The following SLC6A4 variants were observed in gnomAD, a reference collection of about 807,000 sequenced individuals.
The protein encoded by SLC6A4 is solute carrier family 6 member 4, also known as sodium-dependent serotonin transporter.
SLC6A4 carries 22 observed loss-of-function variants against 73.4 expected under a neutral mutation model. The observed-to-expected ratio is 0.30, with a 90% CI of 0.21 to 0.43. The LOEUF is 0.43. Ranked by LOEUF, SLC6A4 falls within the 20% of genes least tolerant of loss-of-function variation. The probability of loss-of-function intolerance (pLI) is 1.00; values close to 1 mark genes in which losing one functional copy is unlikely to be tolerated. For synonymous variants in SLC6A4, 270 were observed against 315.5 expected (o/e 0.86, Z 1.53); for missense variants, 593 against 808.5 (o/e 0.73, Z 3.23).
At chr17:30,208,590 A>G (rs936260211) in intron 12 of SLC6A4, among the ~76,000 whole-genome samples, 2 of 152,170 alleles carry the variant, frequency 1.3e-5, no homozygotes, top group Non-Finnish European at 2.9e-5. Context: ...AACAAAACAA[A>G]ACAAAACAAA....
intron 12 of SLC6A4, 150 bp downstream of exon 12, chr17:30,208,993 C>T (rs1056247340): frequency 3.2e-5 from 16 of 501,238 alleles, no homozygotes; most frequent in Non-Finnish European, 3.9e-5. Flanking sequence ...TGAGCCACCG[C>T]GCCTGGCCGA....
intron 1 of SLC6A4, among the ~76,000 whole-genome samples, chr17:30,234,734 A>G (rs939596051): frequency 5.3e-5 from 8 of 152,178 alleles, no homozygotes; most frequent in African/African-American, 1.7e-4. Context: ...TAATCCATTG[A>G]CCAGGTTCAC....
chr17:30,231,054 T>C (rs1311509111), intron 1 of SLC6A4, among the ~76,000 whole-genome samples: 2 of 152,062 alleles, frequency 1.3e-5, no homozygotes, highest in African/African-American at 4.8e-5. Context: ...TAACACTGTA[T>C]GCTAAAAAGG....
chr17:30,206,253 A>AC (rs1906191741), intron 13 of SLC6A4: 1 of 152,040 alleles, frequency 6.6e-6, no homozygotes, highest in African/African-American at 2.4e-5. Flanking sequence ...AAAAAAAAAA[A>AC]AAAAACACAA....
rs1906763538 is a variant in SLC6A4, at chr17:30,221,648, C to T, written c.311G>A (p.Arg104His). The change falls in exon 3 of 15, where the codon CGC (arginine) becomes CAC (histidine). Residue 104 changes from arginine (R) to histidine (H), a missense_variant. Transcript: ENST00000650711. The part of the protein sequence containing the change: ...GYAVDLGNVW[R>H]FPYICYQNGG... ...ATTCTGGTAACATATGTAGGGGAAG[C>T]GCCAGACATTGCCCAGGTCCACAGC... 1.2e-6 allele frequency: 2 copies of T among 1,614,034 alleles called. No individual in the cohort carries two copies. The highest frequency in any genetic ancestry group is 8.5e-7 in the Non-Finnish European group (1 of 1,179,934).
At chr17:30,216,384 CA>C (rs1325284634) in intron 6 of SLC6A4, among the ~76,000 whole-genome samples, 168 bp from the exon 7 acceptor site, 1 of 151,960 alleles carries the variant, frequency 6.6e-6, no homozygotes, top group South Asian at 2.1e-4. Flanking sequence ...GGTGGTGTGG[CA>C]GAAAGATCAC....
At chr17:30,201,435 G>A (rs111875343) in intron 14 of SLC6A4, among the ~76,000 whole-genome samples, 368 of 152,278 alleles carry the variant, frequency 2.4e-3, no homozygotes, top group Non-Finnish European at 4.5e-3. Flanking sequence ...ACACTTTTGG[G>A]TGGCATTCCC....
At position 30,207,809 on chromosome 17, in the gene SLC6A4, C is replaced by T. The variant is rs772894432; in HGVS notation, c.1573G>A (p.Val525Met). The T allele has an allele frequency of 1.1e-5, 17 of 1,613,872 alleles. No individual in the cohort carries two copies. The highest frequency in any genetic ancestry group is 8.0e-5 in the African/African-American group (6 of 74,892). ...GGGCTGAAGCCGAGCATTTCCTTCA[C>T]GTCCCTGCAGAACTGAGTGATGCCT... The part of the protein sequence containing the change: ...FYGITQFCRD[V>M]KEMLGFSPGW... The change falls in exon 13 of 15, where the codon GTG (valine) becomes ATG (methionine). Residue 525 changes from valine to methionine, a missense_variant. Coordinates refer to ENST00000650711, the MANE Select transcript of SLC6A4 (RefSeq NM_001045.6).
intron 6 of SLC6A4, among the ~76,000 whole-genome samples, chr17:30,216,854 TG>T: frequency 1.4e-5 from 1 of 70,184 alleles, no homozygotes; most frequent in African/African-American, 2.9e-5. Context: ...TTTGTTTGTT[TG>T]TTTGTTTGTT....
chr17:30,204,425 C>T (rs1199120463), intron 13 of SLC6A4: 1 of 152,050 alleles, frequency 6.6e-6, no homozygotes, highest in Non-Finnish European at 1.5e-5. Context: ...GCAAACCTTC[C>T]TCCTAACCCA....
At chr17:30,213,395 C>T (rs949879759) in intron 8 of SLC6A4, among the ~76,000 whole-genome samples, 9 of 151,636 alleles carry the variant, frequency 5.9e-5, no homozygotes, top group Non-Finnish European at 1.2e-4. Context: ...CTCTGCCTCC[C>T]GGGTTCAGGT....
chr17:30,200,907 G>A (rs1029070062), intron 14 of SLC6A4, among the ~76,000 whole-genome samples: 4 of 151,992 alleles, frequency 2.6e-5, no homozygotes, highest in African/African-American at 4.8e-5. Context: ...TCGGCCTCCT[G>A]AGAAGCTGGA....
At position 30,207,913 on chromosome 17, in the gene SLC6A4, G is replaced by C. The variant is rs1906258335; in HGVS notation, c.1550-81C>G. The C allele has an allele frequency of 1.9e-5, 19 of 1,022,704 alleles. 2 individuals carry two copies. The South Asian group carries it at 2.7e-4, about 14-fold the overall frequency. 63.4% of individuals were successfully genotyped at this position (1,022,704 alleles called of 1,614,324 possible). A position where few individuals can be genotyped will look rare whatever the true frequency, so the allele number is the denominator to read the frequency against. ...TGCTGTGCCCTGATTCTCTGGGAGAGTCAGAGTCACAGGATCAGCACTGGG... is the reference window on the plus strand; with the variant it reads ...TGCTGTGCCCTGATTCTCTGGGAGACTCAGAGTCACAGGATCAGCACTGGG... On this transcript the variant is annotated intron_variant, in intron 12 of 14. Coordinates refer to ENST00000650711, the MANE Select transcript of SLC6A4 (RefSeq NM_001045.6).
intron 1 of SLC6A4, among the ~76,000 whole-genome samples, chr17:30,227,058 C>T (rs982199436): frequency 2.6e-5 from 4 of 152,164 alleles, no homozygotes; most frequent in African/African-American, 7.2e-5. Context: ...CTCGCCGCGG[C>T]GTGTTTAGAT....
Position 30,195,554 on chromosome 17 carries a change from C to G in SLC6A4, c.*2902G>C, listed in dbSNP as rs1437756786. 1 of 152,126 alleles carries G rather than the reference C, an allele frequency of 6.6e-6. No individual in the cohort carries two copies. The highest frequency in any genetic ancestry group is 1.9e-4 in the East Asian group (1 of 5,196). The allele number at this position is 152,126 out of a possible 1,614,324, so 9.4% of individuals were successfully genotyped here. A position where few individuals can be genotyped will look rare whatever the true frequency, so the allele number is the denominator to read the frequency against. ...GGAATTACAGGTGTGAGCCATTGTG[C>G]CTGGTGGAGAGGGTATTATTTCACT... On this transcript the variant is annotated 3_prime_UTR_variant, in exon 15 of 15. Coordinates refer to ENST00000650711, the MANE Select transcript of SLC6A4 (RefSeq NM_001045.6).
intron 2 of SLC6A4, 143 bp downstream of exon 2, chr17:30,222,676 G>C: frequency 4.7e-6 from 3 of 634,012 alleles, no homozygotes; most frequent in South Asian, 1.5e-5. Context: ...TACAGATTCT[G>C]TCACTCGTCT....
At position 30,211,201 on chromosome 17, in the gene SLC6A4, T is replaced by C. The variant is rs1906374451; in HGVS notation, c.1317+111A>G. ...GGGGGTCTGGAGCACCAGAAGGGAG[T>C]AGCCAAAGCTGCCTGGGATGGCCAG... On this transcript the variant is annotated intron_variant, in intron 10 of 14. Coordinates refer to ENST00000650711, the MANE Select transcript of SLC6A4 (RefSeq NM_001045.6). This position sits in a 1 kb window ranked among gnomAD's most constrained non-coding sequence, Gnocchi z 4.0. The C allele has an allele frequency of 1.4e-6, 1 of 690,922 alleles. No homozygotes were observed. The highest frequency in any genetic ancestry group is 2.5e-6 in the Non-Finnish European group (1 of 392,544). 42.8% of individuals were successfully genotyped at this position (690,922 alleles called of 1,614,324 possible).
chr17:30,228,360 G>A (rs1207158228), intron 1 of SLC6A4, among the ~76,000 whole-genome samples: 1 of 152,218 alleles, frequency 6.6e-6, no homozygotes, highest in Non-Finnish European at 1.5e-5. Context: ...ATCAATAAAT[G>A]ACAGTGAGTT....
chr17:30,202,603 G>A (rs763467133), intron 14 of SLC6A4, among the ~76,000 whole-genome samples: 10 of 152,034 alleles, frequency 6.6e-5, no homozygotes, highest in Non-Finnish European at 1.2e-4. Flanking sequence ...TTTCTACAGC[G>A]CATTCATTAC....
Sources: gnomAD v4.1 joint callset for allele counts (sites outside exome capture counted in the v4.1 genomes callset) on GRCh38, gnomAD v4.1.1 for gene constraint, Gnocchi (gnomAD v3.1) non-coding constraint, MANE v1.5 for transcripts, NCBI Gene and HGNC (gene_info 2026-07-23, HGNC 2026-07-21) for gene names.